BEND5: variants seen among roughly 807,000 people sequenced by gnomAD.
BEND5 encodes the protein BEN domain-containing protein 5.
A neutral mutation model predicts 43.9 loss-of-function variants in BEND5; 22 were observed. The ratio of observed to expected loss-of-function variants is 0.50; its 90% CI spans 0.36 to 0.72. The LOEUF is 0.72. BEND5 is among the 30% of genes least tolerant of loss of function. The pLI, the probability that BEND5 is intolerant of heterozygous loss-of-function variation, is 0.00. For missense variants in BEND5, 428 were observed against 550.6 expected (o/e 0.78, Z 2.23); for synonymous variants, 228 against 225.9 (o/e 1.01, Z -0.08).
Position 48,761,327 on chromosome 1 carries a change from AT to A in BEND5, c.360+9del. 6.5e-7 allele frequency: 1 copy of A among 1,542,340 alleles called. No individual in the cohort carries two copies. Among genetic ancestry groups the A allele is most frequent in the Non-Finnish European group, 8.7e-7 (1 of 1,143,252 alleles). The stretch of plus-strand genomic sequence containing the variant: ...CAGCATACCTCCAAAGAAAGGAAAG[AT>A]TTTGTTACCTTGATGTGTCTAAGCT... On this transcript the variant is annotated intron_variant, in intron 2 of 5. Transcript: ENST00000371833.
intron 3 of BEND5, among the ~76,000 whole-genome samples, chr1:48,754,619 A>G (rs1401774462): frequency 6.6e-6 from 1 of 152,182 alleles, no homozygotes; most frequent in Non-Finnish European, 1.5e-5. Flanking sequence ...AACACTTACA[A>G]TATGGGGGTC....
At chr1:48,769,265 A>T (rs750981398) in intron 1 of BEND5, among the ~76,000 whole-genome samples, 40 of 152,184 alleles carry the variant, frequency 2.6e-4, no homozygotes, top group Non-Finnish European at 5.4e-4. Context: ...ACATAGGGAG[A>T]GAAGGAATTG....
At chr1:48,776,373 A>C (rs1570640874) in intron 1 of BEND5, among the ~76,000 whole-genome samples, 1 of 152,336 alleles carries the variant, frequency 6.6e-6, no homozygotes, top group South Asian at 2.1e-4. Flanking sequence ...ACGGACTGAC[A>C]GCGCGGGAGC....
intron 1 of BEND5, among the ~76,000 whole-genome samples, chr1:48,774,821 T>G (rs541346328): frequency 6.6e-6 from 1 of 152,304 alleles, no homozygotes; most frequent in South Asian, 2.1e-4. Flanking sequence ...GCTGAATGAA[T>G]GAGTAGATGA....
chr1:48,743,115 C>A (rs1650182622), intron 3 of BEND5, among the ~76,000 whole-genome samples: 1 of 152,124 alleles, frequency 6.6e-6, no homozygotes, highest in Non-Finnish European at 1.5e-5. Flanking sequence ...GTGGGAATTA[C>A]TGAAATATGC....
chr1:48,754,205 C>G (rs1164448217), intron 3 of BEND5, among the ~76,000 whole-genome samples: 1 of 152,142 alleles, frequency 6.6e-6, no homozygotes, highest in Admixed American at 6.5e-5. Flanking sequence ...TGAGGAGAAA[C>G]CAAGAGAGAC....
At chr1:48,732,690 G>T (rs1245077076) in intron 5 of BEND5, among the ~76,000 whole-genome samples, 1 of 152,134 alleles carries the variant, frequency 6.6e-6, no homozygotes, top group African/African-American at 2.4e-5. Context: ...GGGAAGTGTG[G>T]TATAAGATGA....
Position 48,761,453 on chromosome 1 carries a change from C to G in BEND5, c.244G>C (p.Glu82Gln). ...LALAEDKSDL[E>Q]NSVMQKKIKI... The stretch of plus-strand genomic sequence containing the variant: ...ATTTTCTTCTGCATCACACTGTTTT[C>G]AAGGTCAGATTTGTCTTCTAAAATG... Residue 82 changes from glutamate (E) to glutamine (Q), a missense_variant, in exon 2 of 6, where the codon GAA (glutamate) becomes CAA (glutamine). By Grantham distance (29) the Glu-to-Gln change is conservative (BLOSUM62 2). Around this residue, in one of 4 missense-constraint regions of BEND5, gnomAD observed 243 missense variants for 286.4 expected, o/e 0.85. Transcript: ENST00000371833. 1 of 1,551,036 alleles carries G rather than the reference C, an allele frequency of 6.4e-7. No individual in the cohort carries two copies. The highest frequency in any genetic ancestry group is 8.7e-7 in the Non-Finnish European group (1 of 1,146,918).
chr1:48,730,605 G>A (rs1647951796), intron 5 of BEND5, among the ~76,000 whole-genome samples: 1 of 152,134 alleles, frequency 6.6e-6, no homozygotes, highest in Non-Finnish European at 1.5e-5. Context: ...GAAGGTTTTT[G>A]GAGGAGCCCC....
chr1:48,753,243 T>C (rs997385819), intron 3 of BEND5, among the ~76,000 whole-genome samples: 4 of 152,246 alleles, frequency 2.6e-5, no homozygotes, highest in African/African-American at 9.6e-5. Flanking sequence ...CTGGTTCTCC[T>C]GTCTGTATGT....
intron 2 of BEND5, chr1:48,761,101 G>A: frequency 2.1e-6 from 1 of 475,964 alleles, no homozygotes; most frequent in Non-Finnish European, 3.8e-6. Flanking sequence ...ACACTGCACA[G>A]ACTGTGCAAA....
rs77966619 is a variant in BEND5 at position 48,743,989 on chromosome 1, T to C, written c.746-1218A>G. On this transcript the variant is annotated intron_variant, in intron 3 of 5. Transcript: ENST00000371833. Reference sequence around the variant, plus strand: ...AACTTGCACAAAGCTGAATGCAAGATGGTTGGGGAGCAGAACAGTGCAAAT... The same window carrying C: ...AACTTGCACAAAGCTGAATGCAAGACGGTTGGGGAGCAGAACAGTGCAAAT... 3.4e-3 allele frequency among the ~76,000 whole-genome samples: 513 copies of C among 152,314 alleles called. 3 individuals are homozygous for C. Among genetic ancestry groups the C allele is most frequent in the Middle Eastern group, 0.017 (5 of 294 alleles).
chr1:48,748,437 G>C (rs1254981295), intron 3 of BEND5, among the ~76,000 whole-genome samples: 7 of 152,234 alleles, frequency 4.6e-5, no homozygotes, highest in African/African-American at 1.7e-4. Flanking sequence ...GCAGTGGAAA[G>C]AGACAGGCAG....
chr1:48,762,864 A>G lies in BEND5; in HGVS notation c.227-1394T>C, dbSNP rs936076767. On this transcript the variant is annotated intron_variant, in intron 1 of 5. Coordinates refer to ENST00000371833, the MANE Select transcript of BEND5 (RefSeq NM_024603.4). ...GTCTAGTATCAGAGACTTAAGTGTG[A>G]ACCTCAGCTTTTCTATGACAGGATG... Among the ~76,000 whole-genome samples the G allele has an allele frequency of 9.9e-5, 15 of 152,184 alleles. 1 individual carries two copies. Among genetic ancestry groups the G allele is most frequent in the African/African-American group, 3.4e-4 (14 of 41,494 alleles).
chr1:48,746,925 A>C (rs781248707), intron 3 of BEND5, among the ~76,000 whole-genome samples: 1 of 152,234 alleles, frequency 6.6e-6, no homozygotes, highest in Non-Finnish European at 1.5e-5. Context: ...AAGAAAAGGA[A>C]CAAAAAAAGC....
At chr1:48,755,329 A>G (rs907595682) in intron 3 of BEND5, among the ~76,000 whole-genome samples, 2 of 152,200 alleles carry the variant, frequency 1.3e-5, no homozygotes, top group East Asian at 3.9e-4. Flanking sequence ...TGATTCTTCC[A>G]GACAGGTAGA....
At chr1:48,735,488 G>C (rs1204790990) in intron 5 of BEND5, among the ~76,000 whole-genome samples, 1 of 151,316 alleles carries the variant, frequency 6.6e-6, no homozygotes, top group African/African-American at 2.4e-5. Flanking sequence ...GAAGGAAAAA[G>C]GAGGAAGGAG....
At chr1:48,743,271 C>A (rs1650216995) in intron 3 of BEND5, among the ~76,000 whole-genome samples, 1 of 152,148 alleles carries the variant, frequency 6.6e-6, no homozygotes, top group Non-Finnish European at 1.5e-5. Flanking sequence ...GCATTTGAAT[C>A]AAGAAATTAA....
In BEND5 at chr1:48,733,142, G is replaced by A. The variant is rs6671938; in HGVS notation, c.1108+3097C>T. Among the ~76,000 whole-genome samples, 511 of 152,312 alleles carry A rather than the reference G, an allele frequency of 3.4e-3. 3 individuals carry two copies. The highest frequency in any genetic ancestry group is 0.012 in the African/African-American group (480 of 41,554). ...AGGAGCCTGCATGTGAAAGAAGGGA[G>A]ATATGATAGCAGCTGGGTGACAGAG... is the stretch of plus-strand genomic sequence containing the variant. On this transcript the variant is annotated intron_variant, in intron 5 of 5. Transcript: ENST00000371833.
Sources: allele counts gnomAD v4.1 joint callset (sites outside exome capture counted in the v4.1 genomes callset), GRCh38; gene constraint gnomAD v4.1.1; regional missense constraint gnomAD v4.1.1; transcripts MANE v1.5; gene names NCBI Gene and HGNC (gene_info 2026-07-23, HGNC 2026-07-21).